Variants in MSRB3 observed in about 807,000 individuals in gnomAD.
MSRB3 encodes methionine-R-sulfoxide reductase B3.
A neutral mutation model predicts 21.0 loss-of-function variants in MSRB3; 13 were observed. That is an observed-to-expected ratio of 0.62 (90% CI 0.40 to 0.98). MSRB3 has a LOEUF of 0.98. Ranked by LOEUF, MSRB3 falls within the 50% of genes least tolerant of loss-of-function variation. MSRB3 has a pLI of 0.00. For synonymous variants in MSRB3, 87 were observed against 88.6 expected (o/e 0.98, Z 0.10); for missense variants, 199 against 230.3 (o/e 0.86, Z 0.88).
intron 5 of MSRB3, 62 bp downstream of exon 5, chr12:65,369,088 A>C (rs1878179418): frequency 5.0e-6 from 6 of 1,194,214 alleles, no homozygotes; most frequent in Non-Finnish European, 7.5e-6. Flanking sequence ...TCTGAGGAGT[A>C]AATCATCAGA....
intron 5 of MSRB3, 32 bp downstream of exon 5, chr12:65,369,058 A>G (rs1280545243): frequency 1.3e-6 from 2 of 1,484,022 alleles, no homozygotes; most frequent in Non-Finnish European, 1.9e-6. Flanking sequence ...TCTTCTGAAT[A>G]TATTTTATTT....
chr12:65,326,892 C>A lies in MSRB3; in HGVS notation c.143C>A (p.Thr48Lys). 6.2e-7 allele frequency: 1 copy of A among 1,613,944 alleles called. No homozygotes were observed. The highest frequency in any genetic ancestry group is 8.5e-7 in the Non-Finnish European group (1 of 1,179,890). The change falls in exon 3 of 7, where the codon ACA becomes AAA. Residue 48 changes from threonine (T) to lysine (K), a missense_variant. Physicochemically the swap from Thr to Lys is moderately conservative, Grantham distance 78. Transcript: ENST00000308259. ...FSQQELRKRL[T>K]PLQYHVTQEK... ...CAGCAGGAACTGAGGAAGCGGCTAA[C>A]ACCCCTGCAGTACCATGTCACTCAG... is the stretch of plus-strand genomic sequence containing the variant.
At chr12:65,309,070 A>G (rs1873828160) in intron 2 of MSRB3, 3 of 224,498 alleles carry the variant, frequency 1.3e-5, no homozygotes, top group Admixed American at 1.0e-4. Context: ...TTAGGAAAAA[A>G]TGAAAATGAA....
chr12:65,363,475 A>G (rs1381731222), intron 4 of MSRB3, among the ~76,000 whole-genome samples: 2 of 152,186 alleles, frequency 1.3e-5, no homozygotes, highest in African/African-American at 4.8e-5. Context: ...GAATGCATAT[A>G]TTACATAATT....
intron 5 of MSRB3, among the ~76,000 whole-genome samples, chr12:65,430,890 A>G (rs1494502): frequency 0.38 from 57,846 of 151,856 alleles, 11,484 homozygotes; most frequent in South Asian, 0.57. Context: ...CACTTCATAC[A>G]GGCAAGTCTG....
chr12:65,391,345 G>A (rs530093379), intron 5 of MSRB3, among the ~76,000 whole-genome samples: 15 of 152,304 alleles, frequency 9.8e-5, no homozygotes, highest in Admixed American at 4.6e-4. Flanking sequence ...TAAAAGTAAA[G>A]ATGAGTTGGC....
At chr12:65,295,344 A>T (rs10878256) in intron 1 of MSRB3, among the ~76,000 whole-genome samples, 39,627 of 152,172 alleles carry the variant, frequency 0.26, 6,463 homozygotes, top group Middle Eastern at 0.38. Context: ...CTGTAGATCC[A>T]CATGACTATT....
At chr12:65,320,996 C>T (rs1044306492) in intron 2 of MSRB3, among the ~76,000 whole-genome samples, 1 of 152,152 alleles carries the variant, frequency 6.6e-6, no homozygotes, top group African/African-American at 2.4e-5. Context: ...TCAGCACAGA[C>T]ACCTTCCTCT....
At chr12:65,308,437 G>C in intron 1 of MSRB3, 92 bp from the exon 2 acceptor site, 1 of 1,512,266 alleles carries the variant, frequency 6.6e-7, no homozygotes, top group Non-Finnish European at 8.9e-7. Context: ...TTCAGTTCCA[G>C]ATAAAACTGT....
intron 2 of MSRB3, among the ~76,000 whole-genome samples, chr12:65,320,735 C>T (rs1342962362): frequency 6.6e-6 from 1 of 152,184 alleles, no homozygotes; most frequent in African/African-American, 2.4e-5. Context: ...ATTCACTAAA[C>T]TTTCTCTTGG....
chr12:65,461,358 G>C (rs780948751), intron 6 of MSRB3, among the ~76,000 whole-genome samples: 3 of 152,192 alleles, frequency 2.0e-5, no homozygotes, highest in Non-Finnish European at 4.4e-5. Flanking sequence ...AGTCTGACCT[G>C]TCAGCCTTGA....
intron 4 of MSRB3, among the ~76,000 whole-genome samples, chr12:65,351,276 C>T (rs1473594588): frequency 2.7e-5 from 4 of 149,598 alleles, no homozygotes; most frequent in African/African-American, 1.0e-4. Context: ...AGAACAAAGA[C>T]ACAACATACC....
chr12:65,438,426 C>T (rs1208765115), intron 5 of MSRB3, among the ~76,000 whole-genome samples: 1 of 151,866 alleles, frequency 6.6e-6, no homozygotes, highest in East Asian at 1.9e-4. Context: ...TATAGAGGAA[C>T]TCAAGTCTAC....
chr12:65,318,516 T>C lies in MSRB3; in HGVS notation c.77-8310T>C, dbSNP rs528760020. Among the ~76,000 whole-genome samples, 8 of 152,230 alleles carry C rather than the reference T, an allele frequency of 5.3e-5. No individual in the cohort carries two copies. The East Asian group carries it at 1.5e-3, about 29-fold the overall frequency. On this transcript the variant is annotated intron_variant, in intron 2 of 6. Transcript: ENST00000308259. ...CCTGTCTGTTTTTAATTTTTTTTTA[T>C]GGGCTATGATGTTCTAGTGAAGACC... is the stretch of plus-strand genomic sequence containing the variant.
chr12:65,420,522 A>G (rs1032045678), intron 5 of MSRB3, among the ~76,000 whole-genome samples: 3 of 151,990 alleles, frequency 2.0e-5, no homozygotes, highest in African/African-American at 7.2e-5. Context: ...AAGGTTTGTT[A>G]TATAGGTAAA....
chr12:65,287,047 CA>C (rs1872400070), intron 1 of MSRB3, among the ~76,000 whole-genome samples: 2 of 110,846 alleles, frequency 1.8e-5, no homozygotes, highest in Admixed American at 9.3e-5. Flanking sequence ...AAAAAAAAAG[CA>C]AAACCAAAAA....
intron 5 of MSRB3, among the ~76,000 whole-genome samples, chr12:65,412,313 T>C (rs996170485): frequency 5.3e-5 from 8 of 152,176 alleles, no homozygotes; most frequent in African/African-American, 1.7e-4. Context: ...TCCCATCTTA[T>C]GGCCCTAATA....
At chr12:65,339,629 G>T (rs1876010527) in intron 4 of MSRB3, among the ~76,000 whole-genome samples, 2 of 152,274 alleles carry the variant, frequency 1.3e-5, no homozygotes, top group South Asian at 4.1e-4. Flanking sequence ...ATTGGGAAGA[G>T]ATGAATTTTG....
In MSRB3 at chr12:65,297,367, C is replaced by T. The variant is rs141143509; in HGVS notation, c.-51-11162C>T. On this transcript the variant is annotated intron_variant, in intron 1 of 6. Transcript: ENST00000308259. The stretch of plus-strand genomic sequence containing the variant: ...ACCTGCACATCCTGCACATGTGCCC[C>T]GGAACTTAAAATAAAAATAAAAATT... Among the ~76,000 whole-genome samples, 1,255 of 151,846 alleles carry T rather than the reference C, an allele frequency of 8.3e-3. 18 individuals are homozygous for T. The highest frequency in any genetic ancestry group is 0.029 in the African/African-American group (1,201 of 41,388).
Sources: allele counts gnomAD v4.1 joint callset (sites outside exome capture counted in the v4.1 genomes callset), GRCh38; gene constraint gnomAD v4.1.1; transcripts MANE v1.5; gene names NCBI Gene and HGNC (gene_info 2026-07-23, HGNC 2026-07-21).